Variants in HLA-DQB2 observed in about 807,000 individuals in gnomAD.
The protein encoded by HLA-DQB2 is major histocompatibility complex, class II, DQ beta 2.
HLA-DQB2 carries 24 observed loss-of-function variants against 29.2 expected under a neutral mutation model. That is an observed-to-expected ratio of 0.82 (90% CI 0.60 to 1.16). HLA-DQB2 has a LOEUF of 1.16. Among genes scored for constraint, HLA-DQB2 ranks in the 50% most tolerant of loss-of-function variants. The probability of loss-of-function intolerance (pLI) is 0.00; values close to 1 mark genes in which losing one functional copy is unlikely to be tolerated. For synonymous variants in HLA-DQB2, 104 were observed against 133.1 expected (o/e 0.78, Z 1.51); for missense variants, 273 against 343.6 (o/e 0.79, Z 1.62).
In HLA-DQB2 at chr6:32,757,939, T is replaced by C. The variant is rs1378926240; in HGVS notation, c.647-56A>G. ...TCCCCACACCCCATAATGTCCTTGG[T>C]ACAGGAGGTGGAGATGTCAGGGGAC... is the stretch of plus-strand genomic sequence containing the variant. On this transcript the variant is annotated intron_variant, in intron 3 of 5. Coordinates refer to ENST00000437316, the MANE Select transcript of HLA-DQB2 (RefSeq NM_001300790.2). 2.6e-6 allele frequency: 3 copies of C among 1,142,026 alleles called. No individual in the cohort carries two copies. In the Admixed American group the frequency reaches 7.0e-5, roughly 27 times the overall value. The allele number at this position is 1,142,026 out of a possible 1,614,324, so 70.7% of individuals were successfully genotyped here. A position where few individuals can be genotyped will look rare whatever the true frequency, so the allele number is the denominator to read the frequency against.
chr6:32,761,875 T>C lies in HLA-DQB2; in HGVS notation c.149A>G (p.Glu50Gly). 6.2e-7 allele frequency: 1 copy of C among 1,612,504 alleles called. No individual in the cohort carries two copies. Among genetic ancestry groups the C allele is most frequent in the Non-Finnish European group, 8.5e-7 (1 of 1,179,400 alleles). Residue 50 changes from glutamate (E) to glycine (G), a missense_variant, in exon 2 of 6, where the codon GAG (glutamate) becomes GGG (glycine). Glu to Gly is a moderately conservative substitution (Grantham distance 98). Transcript: ENST00000437316. ...KGMCYFTNGT[E>G]RVRGVARYIY... ...GTATCTGGCCACACCGCGCACGCGC[T>C]CTGTCCCGTTGGTGAAGTAGCACAT...
At chr6:32,756,854 G>C in intron 5 of HLA-DQB2, 1 of 1,181,146 alleles carries the variant, frequency 8.5e-7, no homozygotes, top group Non-Finnish European at 1.0e-6. Context: ...ATGTGGCTCT[G>C]TCCCCACATT....
intron 5 of HLA-DQB2, chr6:32,756,977 G>T (rs1408675821): frequency 2.4e-6 from 3 of 1,262,456 alleles, no homozygotes; most frequent in East Asian, 3.5e-5. Context: ...CAGCAAACAG[G>T]CCATGAACAG....
Position 32,757,202 on chromosome 6 carries a change from T to C in HLA-DQB2, c.781+79A>G, listed in dbSNP as rs930991129. The C allele has an allele frequency of 5.2e-6, 8 of 1,545,504 alleles. No individual in the cohort carries two copies. The African/African-American group carries it at 1.1e-4, about 21-fold the overall frequency. On this transcript the variant is annotated intron_variant, in intron 5 of 5. Transcript: ENST00000437316. ...GTCCAGCTAATTTTTGTATTTTTAG[T>C]AGAGATGCGGTTTCACCATGGCTCT...
chr6:32,756,629 T>C (rs1397520366), intron 5 of HLA-DQB2, 163 bp from the exon 6 acceptor site: 5 of 1,421,948 alleles, frequency 3.5e-6, no homozygotes, highest in Non-Finnish European at 3.7e-6. Context: ...AATCAGCTCA[T>C]GAGGACACAG....
At chr6:32,761,979 C>T in intron 1 of HLA-DQB2, 53 bp from the exon 2 acceptor site, 1 of 1,567,642 alleles carries the variant, frequency 6.4e-7, no homozygotes, top group East Asian at 2.4e-5. Flanking sequence ...CTAGCCCCAG[C>T]CCCCAGCCGG....
Position 32,756,213 on chromosome 6 carries a change from T to G in HLA-DQB2, c.*240A>C, listed in dbSNP as rs1050717706. 5.6e-6 allele frequency: 3 copies of G among 535,098 alleles called. No individual in the cohort carries two copies. In the South Asian group the frequency reaches 8.9e-5, roughly 16 times the overall value. The allele number at this position is 535,098 out of a possible 1,614,324, so 33.1% of individuals were successfully genotyped here. A position where few individuals can be genotyped will look rare whatever the true frequency, so the allele number is the denominator to read the frequency against. On this transcript the variant is annotated 3_prime_UTR_variant, in exon 6 of 6. Coordinates refer to ENST00000437316, the MANE Select transcript of HLA-DQB2 (RefSeq NM_001300790.2). ...GGAGAATGGAAACAGAGATGCCCCT[T>G]GGGGCCTGAGTAGACACAGCTTGCA...
rs533127380 is a variant in HLA-DQB2 at position 32,761,595 on chromosome 6, C to G, written c.364+65G>C. On this transcript the variant is annotated intron_variant, in intron 2 of 5. Coordinates refer to ENST00000437316, the MANE Select transcript of HLA-DQB2 (RefSeq NM_001300790.2). ...CCTTGAGGCCGCGCCGTCCTCGCCCCTCTGTGCGCAAGAGACTCGGGCCCC... is the reference window on the plus strand; with the variant it reads ...CCTTGAGGCCGCGCCGTCCTCGCCCGTCTGTGCGCAAGAGACTCGGGCCCC... The G allele has an allele frequency of 1.1e-3, 1,516 of 1,425,990 alleles. 28 individuals carry two copies. In the South Asian group the frequency reaches 0.019, roughly 18 times the overall value. 88.3% of individuals were successfully genotyped at this position (1,425,990 alleles called of 1,614,324 possible). A position where few individuals can be genotyped will look rare whatever the true frequency, so the allele number is the denominator to read the frequency against.
At chr6:32,757,468 A>G (rs1764357469) in intron 4 of HLA-DQB2, among the ~76,000 whole-genome samples, 164 bp from the exon 5 acceptor site, 1 of 152,222 alleles carries the variant, frequency 6.6e-6, no homozygotes, top group African/African-American at 2.4e-5. Context: ...AAACAAAGGA[A>G]ATTGTCACTA....
intron 4 of HLA-DQB2, 125 bp downstream of exon 4, chr6:32,757,648 T>G: frequency 1.3e-6 from 1 of 798,870 alleles, no homozygotes; most frequent in Non-Finnish European, 2.0e-6. Flanking sequence ...CCTCCAATCT[T>G]GTCCTGTCTC....
At position 32,759,128 on chromosome 6, in the gene HLA-DQB2, T is replaced by C; in HGVS notation, c.368A>G (p.Glu123Gly). 1 of 1,613,240 alleles carries C rather than the reference T, an allele frequency of 6.2e-7. No homozygotes were observed. The highest frequency in any genetic ancestry group is 1.1e-5 in the South Asian group (1 of 91,050). The change falls in exon 3 of 6, where the codon GAG becomes GGG. Residue 123 changes from glutamate to glycine, a missense_variant. Coordinates refer to ENST00000437316, the MANE Select transcript of HLA-DQB2 (RefSeq NM_001300790.2). ...ELRTTLQRQVEPTVTISPSRT... is the reference protein window; with the variant it reads ...ELRTTLQRQVGPTVTISPSRT... Reference sequence around the variant, plus strand: ...GGATGGGGAGATGGTCACTGTGGGCTCCACTGAGGGCAGTAACAGACAGGG... The same window carrying C: ...GGATGGGGAGATGGTCACTGTGGGCCCCACTGAGGGCAGTAACAGACAGGG...
At position 32,759,136 on chromosome 6, in the gene HLA-DQB2, G is replaced by A. The variant is rs745328737; in HGVS notation, c.365-5C>T. 4 of 1,612,846 alleles carry A rather than the reference G, an allele frequency of 2.5e-6. No individual in the cohort carries two copies. The highest frequency in any genetic ancestry group is 1.7e-6 in the Non-Finnish European group (2 of 1,179,554). On this transcript the variant is annotated splice_region_variant and splice_polypyrimidine_tract_variant and intron_variant, in intron 2 of 5. Transcript: ENST00000437316. ...AGATGGTCACTGTGGGCTCCACTGA[G>A]GGCAGTAACAGACAGGGAAAGATAT...
At chr6:32,761,165 G>A (rs796260937) in intron 2 of HLA-DQB2, among the ~76,000 whole-genome samples, 9,142 of 139,802 alleles carry the variant, frequency 0.065, no homozygotes, top group South Asian at 0.077. Flanking sequence ...GTAATTGCTG[G>A]ATGCCCTGCG....
intron 5 of HLA-DQB2, chr6:32,756,912 C>T: frequency 8.3e-7 from 1 of 1,201,394 alleles, no homozygotes; most frequent in Non-Finnish European, 1.0e-6. Context: ...AGGAAACAAT[C>T]TCTGGAGATT....
At chr6:32,760,990 T>C (rs1764736266) in intron 2 of HLA-DQB2, among the ~76,000 whole-genome samples, 2 of 152,292 alleles carry the variant, frequency 1.3e-5, no homozygotes, top group African/African-American at 4.8e-5. Flanking sequence ...CAGAAGATCA[T>C]TGAGCTCATA....
At chr6:32,760,380 G>A (rs1174500178) in intron 2 of HLA-DQB2, among the ~76,000 whole-genome samples, 1 of 152,112 alleles carries the variant, frequency 6.6e-6, no homozygotes, top group East Asian at 1.9e-4. Context: ...AGAATGCTGT[G>A]TATTTGGGGG....
chr6:32,761,826 C>G lies in HLA-DQB2; in HGVS notation c.198G>C (p.Gly66=). The change falls in exon 2 of 6, where the codon GGG becomes GGC. Residue 66 remains glycine (G), a synonymous_variant. Transcript: ENST00000437316. ...ACTCCCCAACGTCGCTGTCGAAGCG[C>G]CCGTACTCCTCGCGGTTATAGATGT... ...ARYIYNREEY[G]RFDSDVGEFQ... The G allele has an allele frequency of 1.9e-6, 3 of 1,605,702 alleles. No homozygotes were observed. Among genetic ancestry groups the G allele is most frequent in the Non-Finnish European group, 2.6e-6 (3 of 1,176,080 alleles).
Position 32,758,994 on chromosome 6 carries a change from C to G in HLA-DQB2, c.502G>C (p.Gly168Arg), listed in dbSNP as rs759329639. ...CTAATGAGGGAGGTGGACACAACAC[C>G]GGCTGTCTCCTCCTGGTCATTCCGA... ...WFRNDQEETA[G>R]VVSTSLIRNG... The change falls in exon 3 of 6, where the codon GGT (glycine) becomes CGT (arginine). Residue 168 changes from glycine (G) to arginine (R), a missense_variant. Gly to Arg is a moderately radical substitution (Grantham distance 125). Transcript: ENST00000437316. 2 of 1,614,120 alleles carry G rather than the reference C, an allele frequency of 1.2e-6. No individual in the cohort carries two copies. Among genetic ancestry groups the G allele is most frequent in the African/African-American group, 1.3e-5 (1 of 74,938 alleles).
chr6:32,756,810 A>G (rs1764299532), intron 5 of HLA-DQB2: 4 of 1,210,720 alleles, frequency 3.3e-6, no homozygotes, highest in Non-Finnish European at 4.1e-6. Context: ...AATGTGGCAC[A>G]AAGTGGGCAT....
Sources: allele counts gnomAD v4.1 joint callset (sites outside exome capture counted in the v4.1 genomes callset), GRCh38; gene constraint gnomAD v4.1.1; transcripts MANE v1.5; gene names NCBI Gene and HGNC (gene_info 2026-07-23, HGNC 2026-07-21).